NAV1: variants seen among roughly 807,000 people sequenced by gnomAD.
NAV1 encodes pore membrane and/or filament interacting like protein 3.
A neutral mutation model predicts 175.2 loss-of-function variants in NAV1; 18 were observed. The observed-to-expected ratio is 0.10, with a 90% CI of 0.07 to 0.15. The LOEUF is 0.15. Ranked by LOEUF, NAV1 falls within the 10% of genes least tolerant of loss-of-function variation. The pLI, the probability that NAV1 is intolerant of heterozygous loss-of-function variation, is 1.00. For synonymous variants in NAV1, 897 were observed against 978.7 expected, an observed-to-expected ratio of 0.92 and a Z score of 1.56; for missense variants, 1,731 against 2,436.6, an observed-to-expected ratio of 0.71 and a Z score of 6.10.
chr1:201,686,119 C>T lies in NAV1; in HGVS notation c.758-26698C>T, dbSNP rs534509770. Among the ~76,000 whole-genome samples the T allele has an allele frequency of 3.3e-5, 5 of 152,226 alleles. No individual in the cohort carries two copies. The South Asian group carries it at 8.3e-4, about 25-fold the overall frequency. ...GGAGAGATGCACACCTAATAAGCAC[C>T]GAGGGACAGCTGCCTGGCCCTTCTA... On this transcript the variant is annotated intron_variant, in intron 1 of 29. Transcript: ENST00000367296.
rs149534591 is a variant in NAV1 at position 201,657,870 on chromosome 1, A to G, written c.757+8445A>G. On this transcript the variant is annotated intron_variant, in intron 1 of 29. Transcript: ENST00000367296. Reference sequence around the variant, plus strand: ...ATCATTGCAAAACCCTGTCTCTACTAAAAATACAAAAAATTAGCCAGGAGT... The same window carrying G: ...ATCATTGCAAAACCCTGTCTCTACTGAAAATACAAAAAATTAGCCAGGAGT... Among the ~76,000 whole-genome samples the G allele has an allele frequency of 7.0e-3, 1,070 of 152,200 alleles. 12 individuals carry two copies. The highest frequency in any genetic ancestry group is 0.025 in the African/African-American group (1,031 of 41,528).
chr1:201,690,658 G>A (rs375491934), intron 1 of NAV1, among the ~76,000 whole-genome samples: 11 of 147,878 alleles, frequency 7.4e-5, no homozygotes, highest in South Asian at 2.2e-4. Context: ...GTGGCAGAGC[G>A]CTGGCTATTT....
In NAV1 at chr1:201,787,485, C is replaced by T. The variant is rs1226474009; in HGVS notation, c.2995+908C>T. Among the ~76,000 whole-genome samples the T allele has an allele frequency of 6.6e-6, 1 of 152,234 alleles. No individual in the cohort carries two copies. Among genetic ancestry groups the T allele is most frequent in the Non-Finnish European group, 1.5e-5 (1 of 68,038 alleles). On this transcript the variant is annotated intron_variant, in intron 9 of 29. Coordinates refer to ENST00000367296, the Ensembl canonical transcript of NAV1. This position sits in a 1 kb window ranked among gnomAD's most constrained non-coding sequence, Gnocchi z 4.3. ...TTGTTCAGACAGGATCATCTGCCCT[C>T]TGAAGGGCTACTAAATGGAGGATGG...
chr1:201,739,944 G>T (rs1255544793), intron 3 of NAV1: 5 of 1,368,758 alleles, frequency 3.7e-6, no homozygotes, highest in Non-Finnish European at 3.8e-6. Flanking sequence ...ACCTTTTCGG[G>T]TGTCCCCGGG....
intron 15 of NAV1, chr1:201,795,000 A>T (rs1439871605): frequency 1.3e-5 from 2 of 159,324 alleles, no homozygotes. Context: ...ATGGTGCTGA[A>T]ATGGCAAGTT....
intron 1 of NAV1, among the ~76,000 whole-genome samples, chr1:201,577,472 A>ATT (rs36112197): frequency 0.023 from 2,201 of 97,596 alleles, 53 homozygotes; most frequent in East Asian, 0.13. Flanking sequence ...TGAGACTTAG[A>ATT]TTTTTTTTTT....
chr1:201,648,595 T>G (rs1322281078), exon 1 of NAV1: 1 of 1,183,814 alleles, frequency 8.4e-7, no homozygotes, highest in Non-Finnish European at 1.1e-6. Flanking sequence ...CTCCTCCTCC[T>G]GCGCTCCCGC....
rs141482035 is a variant in NAV1, at chr1:201,548,366, C to A, written c.-144+9024C>A. Among the ~76,000 whole-genome samples, 633 of 152,264 alleles carry A rather than the reference C, an allele frequency of 4.2e-3. 1 individual carries two copies. The highest frequency in any genetic ancestry group is 0.014 in the African/African-American group (599 of 41,550). On this transcript the variant is annotated intron_variant, in intron 1 of 33. Transcript: ENST00000685211. The stretch of plus-strand genomic sequence containing the variant: ...TGGGAAACCTAGCAAGACTCACCCC[C>A]CAATCTGTACAAAACATTAAAAAAT...
chr1:201,548,648 T>G (rs1286365470), intron 1 of NAV1, among the ~76,000 whole-genome samples: 1 of 152,216 alleles, frequency 6.6e-6, no homozygotes, highest in Non-Finnish European at 1.5e-5. Context: ...GGGTCTCTAA[T>G]ACTCTCCTCT....
chr1:201,772,649 A>G (rs185664176), intron 3 of NAV1, among the ~76,000 whole-genome samples: 26 of 152,318 alleles, frequency 1.7e-4, no homozygotes, highest in Non-Finnish European at 3.5e-4. Context: ...TATTTCATTT[A>G]TACACCTTTC....
chr1:201,724,032 C>A (rs1672500657), intron 3 of NAV1: 1 of 152,104 alleles, frequency 6.6e-6, no homozygotes, highest in Admixed American at 6.5e-5. Context: ...GTCCTGGTCA[C>A]CCTCCTCTGG....
At chr1:201,653,499 TG>T (rs895421062) in intron 1 of NAV1, among the ~76,000 whole-genome samples, 3 of 144,406 alleles carry the variant, frequency 2.1e-5, no homozygotes, top group Non-Finnish European at 3.0e-5. Flanking sequence ...GTGAATTTTT[TG>T]GGGGGGAGGG....
At chr1:201,600,536 G>A (rs889097794) in intron 2 of NAV1, among the ~76,000 whole-genome samples, 1 of 152,204 alleles carries the variant, frequency 6.6e-6, no homozygotes, top group African/African-American at 2.4e-5. Context: ...TTTAGCAAAT[G>A]TACCGTGGTT....
chr1:201,757,650 A>T (rs1176206946), intron 3 of NAV1, among the ~76,000 whole-genome samples: 1 of 152,174 alleles, frequency 6.6e-6, no homozygotes. Context: ...CATTCCCCCA[A>T]ATCAGCTGAC....
intron 1 of NAV1, among the ~76,000 whole-genome samples, chr1:201,658,615 G>A (rs548408643): frequency 1.7e-4 from 26 of 152,248 alleles, no homozygotes; most frequent in East Asian, 1.5e-3. Flanking sequence ...TGGCTGATCC[G>A]ACATGGAGTG....
intron 1 of NAV1, among the ~76,000 whole-genome samples, chr1:201,695,120 G>T (rs1279768007): frequency 6.6e-6 from 1 of 152,210 alleles, no homozygotes; most frequent in Non-Finnish European, 1.5e-5. Flanking sequence ...CTCTTAAGTT[G>T]CCCCGGGACC....
At chr1:201,577,535 A>T (rs1161513312) in intron 1 of NAV1, among the ~76,000 whole-genome samples, 1 of 141,124 alleles carries the variant, frequency 7.1e-6, no homozygotes, top group Non-Finnish European at 1.5e-5. Context: ...CATTTGTTGG[A>T]AAAGCTGTTT....
At chr1:201,642,548 T>C (rs866610853) in intron 2 of NAV1, among the ~76,000 whole-genome samples, 6 of 111,806 alleles carry the variant, frequency 5.4e-5, no homozygotes, top group South Asian at 2.3e-4. Context: ...TTTCTTTCTT[T>C]CTTTCTTTTT....
Position 201,807,900 on chromosome 1 carries a change from C to G in NAV1, c.3649-53C>G, listed in dbSNP as rs561467586. On this transcript the variant is annotated intron_variant, in intron 17 of 29. Coordinates refer to ENST00000367296, the Ensembl canonical transcript of NAV1. This position sits in a 1 kb window ranked among gnomAD's most constrained non-coding sequence, Gnocchi z 5.4. Reference sequence around the variant, plus strand: ...CAGAAGTCTCAATCCAGTCCTCCCCCATCCCAGTAGTGGAGTCCTAATGTC... The same window carrying G: ...CAGAAGTCTCAATCCAGTCCTCCCCGATCCCAGTAGTGGAGTCCTAATGTC... 3.2e-5 allele frequency: 50 copies of G among 1,565,324 alleles called. No homozygotes were observed. Among genetic ancestry groups the G allele is most frequent in the African/African-American group, 8.1e-5 (6 of 73,944 alleles).
Sources: allele counts gnomAD v4.1 joint callset (sites outside exome capture counted in the v4.1 genomes callset), GRCh38; gene constraint gnomAD v4.1.1; non-coding constraint Gnocchi (gnomAD v3.1); transcripts MANE v1.5; gene names NCBI Gene and HGNC (gene_info 2026-07-23, HGNC 2026-07-21).